The following ADA2 variants were observed in gnomAD, a reference collection of about 807,000 sequenced individuals.
ADA2 encodes adenosine deaminase CECR1.
A neutral mutation model predicts 44.2 loss-of-function variants in ADA2; 29 were observed. The observed-to-expected ratio is 0.66, with a 90% CI of 0.49 to 0.89. ADA2 has a LOEUF of 0.89. Ranked by LOEUF, ADA2 falls within the 40% of genes least tolerant of loss-of-function variation. The probability of loss-of-function intolerance (pLI) is 0.00; values close to 1 mark genes in which losing one functional copy is unlikely to be tolerated. For missense variants in ADA2, 637 were observed against 644.8 expected (o/e 0.99, Z 0.13); for synonymous variants, 215 against 234.9 (o/e 0.92, Z 0.77).
rs766756743 is a variant in ADA2, at chr22:17,188,319, C to T, written c.1081+20G>A. The T allele has an allele frequency of 3.1e-6, 5 of 1,587,846 alleles. No homozygotes were observed. The highest frequency in any genetic ancestry group is 3.5e-6 in the Non-Finnish European group (4 of 1,156,370). On this transcript the variant is annotated intron_variant, in intron 7 of 9. Transcript: ENST00000399837. ...CCATTGACCACCTCCGCTGCCTCTG[C>T]TCGCATCCCGCAGGCTCACCTGTTT...
chr22:17,216,855 TA>T (rs1378553152), intron 1 of ADA2, among the ~76,000 whole-genome samples: 3 of 147,164 alleles, frequency 2.0e-5, no homozygotes, highest in Non-Finnish European at 4.5e-5. Context: ...AAATAACAAA[TA>T]TAACCAGAGC....
chr22:17,216,413 G>T (rs182728703), intron 1 of ADA2, among the ~76,000 whole-genome samples: 50 of 151,798 alleles, frequency 3.3e-4, no homozygotes, highest in Non-Finnish European at 5.6e-4. Flanking sequence ...GAAGAAATAA[G>T]TTCTAATGTT....
In ADA2 at chr22:17,190,090, C is replaced by G. The variant is rs534551285; in HGVS notation, c.882-58G>C. The G allele has an allele frequency of 4.4e-5, 58 of 1,317,244 alleles. No homozygotes were observed. The Middle Eastern group carries it at 7.3e-4, about 17-fold the overall frequency. The allele number at this position is 1,317,244 out of a possible 1,614,324, so 81.6% of individuals were successfully genotyped here. A position where few individuals can be genotyped will look rare whatever the true frequency, so the allele number is the denominator to read the frequency against. ...GCCCAGCACCGACAGAGCACAAACC[C>G]CAGAGCACACCCTCCGTGCAGGGCT... On this transcript the variant is annotated intron_variant, in intron 5 of 9. Transcript: ENST00000399837.
rs190960429 is a variant in ADA2 at position 17,183,766 on chromosome 22, G to A, written c.1082-1005C>T. ...CATGAGCCACCGCACCGGGCTCTGG[G>A]ACTCTTATGCTTATGATCTTTACAA... On this transcript the variant is annotated intron_variant, in intron 7 of 9. Transcript: ENST00000399837. Among the ~76,000 whole-genome samples, 380 of 151,618 alleles carry A rather than the reference G, an allele frequency of 2.5e-3. 3 individuals carry two copies. Among genetic ancestry groups the A allele is most frequent in the African/African-American group, 8.7e-3 (359 of 41,384 alleles).
intron 7 of ADA2, among the ~76,000 whole-genome samples, chr22:17,183,065 C>G (rs1053049661): frequency 6.6e-6 from 1 of 152,054 alleles, no homozygotes; most frequent in African/African-American, 2.4e-5. Flanking sequence ...CAGTAAGTAG[C>G]AAAACCGAGT....
intron 1 of ADA2, among the ~76,000 whole-genome samples, 185 bp downstream of exon 1, chr22:17,219,171 G>C (rs920431193): frequency 3.3e-5 from 5 of 152,220 alleles, no homozygotes; most frequent in African/African-American, 4.8e-5. Flanking sequence ...GTGGTCCTGA[G>C]TAAATGCCCT....
chr22:17,191,897 G>T (rs1174986834), intron 4 of ADA2, 87 bp from the exon 5 acceptor site: 1 of 1,338,962 alleles, frequency 7.5e-7, no homozygotes, highest in Non-Finnish European at 9.9e-7. Context: ...GCCACCCCTG[G>T]CCAGCCACCC....
At chr22:17,198,956 A>AG (rs1181609508) in intron 4 of ADA2, among the ~76,000 whole-genome samples, 6 of 152,108 alleles carry the variant, frequency 3.9e-5, no homozygotes, top group African/African-American at 1.4e-4. Context: ...AGGCAGGGGG[A>AG]GGCGAGGGGG....
chr22:17,217,879 T>C (rs890771800), intron 1 of ADA2, among the ~76,000 whole-genome samples: 14 of 152,214 alleles, frequency 9.2e-5, no homozygotes, highest in African/African-American at 3.4e-4. Flanking sequence ...GAAAGTATGA[T>C]ACAGCATACT....
chr22:17,202,128 C>G (rs1601452755), intron 4 of ADA2, among the ~76,000 whole-genome samples: 1 of 149,940 alleles, frequency 6.7e-6, no homozygotes, highest in African/African-American at 2.5e-5. Flanking sequence ...CACCACCATG[C>G]CAGCTAATTT....
chr22:17,216,499 G>T (rs2062473300), intron 1 of ADA2, among the ~76,000 whole-genome samples: 2 of 152,116 alleles, frequency 1.3e-5, no homozygotes, highest in Admixed American at 1.3e-4. Context: ...GGGCATGGTG[G>T]CTCATGCCTG....
At chr22:17,215,318 G>A (rs934860412) in intron 1 of ADA2, among the ~76,000 whole-genome samples, 9 of 152,244 alleles carry the variant, frequency 5.9e-5, no homozygotes, top group East Asian at 5.8e-4. Flanking sequence ...ATGAAATCAC[G>A]GGCTGGGCAC....
intron 1 of ADA2, among the ~76,000 whole-genome samples, chr22:17,217,732 T>C (rs2062487083): frequency 6.6e-6 from 1 of 152,082 alleles, no homozygotes; most frequent in South Asian, 2.1e-4. Context: ...TTCTTGAACC[T>C]GGGAGGCGGA....
chr22:17,186,686 T>C (rs2062039589), intron 7 of ADA2, among the ~76,000 whole-genome samples: 1 of 151,478 alleles, frequency 6.6e-6, no homozygotes, highest in Admixed American at 6.6e-5. Flanking sequence ...CTAACCAACA[T>C]GGTGAAACCC....
chr22:17,215,605 CAA>C (rs759504282), intron 1 of ADA2, among the ~76,000 whole-genome samples: 5 of 124,368 alleles, frequency 4.0e-5, no homozygotes, highest in Non-Finnish European at 3.5e-5. Context: ...GACTCCGTCT[CAA>C]AAAAAAAAAA....
intron 6 of ADA2, chr22:17,188,692 A>C (rs1190751816): frequency 7.2e-6 from 2 of 278,216 alleles, no homozygotes; most frequent in Non-Finnish European, 1.4e-5. Context: ...ATCCTGGCTA[A>C]CACAGTGAAA....
rs1313511368 is a variant in ADA2, at chr22:17,216,767, AAAAAAC to A, written c.-47+2583_-47+2588del. On this transcript the variant is annotated intron_variant, in intron 1 of 9. Coordinates refer to ENST00000399837, the MANE Select transcript of ADA2 (RefSeq NM_001282225.2). ...GAGCAAGACTCCACCTCAAAAAAAA[AAAAAAC>A]ACACACACACACACACATATATATA... 1.1e-4 allele frequency among the ~76,000 whole-genome samples: 11 copies of A among 103,428 alleles called. No individual in the cohort carries two copies. In the East Asian group the frequency reaches 4.7e-3, roughly 45 times the overall value. The allele number at this position is 103,428 out of a possible 152,430, so 67.9% of individuals were successfully genotyped here.
intron 6 of ADA2, 50 bp downstream of exon 6, chr22:17,189,892 C>G (rs746561621): frequency 7.5e-7 from 1 of 1,340,850 alleles, no homozygotes; most frequent in East Asian, 2.3e-5. Context: ...AGACAGGCAT[C>G]CTCGCATGCC....
intron 3 of ADA2, 104 bp downstream of exon 3, chr22:17,206,967 T>C (rs574739962): frequency 4.2e-5 from 37 of 876,746 alleles, no homozygotes; most frequent in African/African-American, 3.5e-4. Flanking sequence ...CCTCATGTTT[T>C]ATTAAAGCCA....
Sources: allele counts gnomAD v4.1 joint callset (sites outside exome capture counted in the v4.1 genomes callset), GRCh38; gene constraint gnomAD v4.1.1; transcripts MANE v1.5; gene names NCBI Gene and HGNC (gene_info 2026-07-23, HGNC 2026-07-21).